The following ANAPC10 variants were observed in gnomAD, a reference collection of about 807,000 sequenced individuals.
ANAPC10 encodes the protein anaphase promoting complex subunit 10.
Under a neutral mutation model 22.0 loss-of-function variants are expected in ANAPC10, and 12 were observed. The ratio of observed to expected loss-of-function variants is 0.55; its 90% CI spans 0.35 to 0.88. The LOEUF (loss-of-function observed/expected upper bound fraction) is 0.88. Ranked by LOEUF, ANAPC10 falls within the 40% of genes least tolerant of loss-of-function variation. The pLI, the probability that ANAPC10 is intolerant of heterozygous loss-of-function variation, is 0.01. For missense variants in ANAPC10, 188 were observed against 220.9 expected (o/e 0.85, Z 0.94); for synonymous variants, 65 against 69.5 (o/e 0.94, Z 0.32).
intron 4 of ANAPC10, 75 bp from the exon 5 acceptor site, chr4:144,995,678 T>C: frequency 1.1e-6 from 1 of 943,368 alleles, no homozygotes; most frequent in Non-Finnish European, 1.6e-6. Context: ...CATTCTATAA[T>C]AAAATAACTT....
chr4:145,011,484 G>A lies in ANAPC10; in HGVS notation c.328-15881C>T, dbSNP rs191276483. On this transcript the variant is annotated intron_variant, in intron 4 of 4. Coordinates refer to ENST00000507656, the MANE Select transcript of ANAPC10 (RefSeq NM_001256706.2). ...AAATTATCATTTTATAGGTATCAGA[G>A]ACAAGCAAAAAGCAATGAAGACTAA... Among the ~76,000 whole-genome samples the A allele has an allele frequency of 1.5e-3, 226 of 152,138 alleles. 1 individual carries two copies. The highest frequency in any genetic ancestry group is 5.1e-3 in the African/African-American group (212 of 41,494).
intron 3 of ANAPC10, among the ~76,000 whole-genome samples, chr4:145,066,574 A>G (rs1743720342): frequency 6.6e-6 from 1 of 152,130 alleles, no homozygotes; most frequent in South Asian, 2.1e-4. Context: ...AAATTCAGGT[A>G]CACTTATTCA....
At chr4:145,073,101 T>C (rs1744714597) in intron 3 of ANAPC10, among the ~76,000 whole-genome samples, 1 of 152,144 alleles carries the variant, frequency 6.6e-6, no homozygotes, top group Non-Finnish European at 1.5e-5. Context: ...GCTTTATCTC[T>C]CAGGCCAGTT....
chr4:145,036,840 T>C (rs1738617960), intron 4 of ANAPC10, among the ~76,000 whole-genome samples: 1 of 152,104 alleles, frequency 6.6e-6, no homozygotes, highest in South Asian at 2.1e-4. Flanking sequence ...ACTCAATTAA[T>C]GCTGAGGTAC....
chr4:145,076,906 TAAA>T (rs1260438452), intron 3 of ANAPC10, among the ~76,000 whole-genome samples: 1 of 151,920 alleles, frequency 6.6e-6, no homozygotes, highest in East Asian at 1.9e-4. Context: ...TAGACAAAAA[TAAA>T]AAAGAATTTG....
chr4:145,013,674 A>T (rs113412469), intron 4 of ANAPC10, among the ~76,000 whole-genome samples: 2 of 152,028 alleles, frequency 1.3e-5, no homozygotes, highest in Non-Finnish European at 2.9e-5. Flanking sequence ...TGCAGGAATA[A>T]ATCAGGAATC....
chr4:145,068,016 T>C (rs1472383271), intron 3 of ANAPC10, among the ~76,000 whole-genome samples: 1 of 152,182 alleles, frequency 6.6e-6, no homozygotes, highest in East Asian at 1.9e-4. Flanking sequence ...AGTAGGCATC[T>C]TGGACCATAA....
At chr4:145,063,543 G>T (rs1233487762) in intron 4 of ANAPC10, among the ~76,000 whole-genome samples, 2 of 151,990 alleles carry the variant, frequency 1.3e-5, no homozygotes, top group Non-Finnish European at 2.9e-5. Flanking sequence ...ATTAACTGGA[G>T]GCCTTTCAAA....
intron 3 of ANAPC10, among the ~76,000 whole-genome samples, chr4:145,071,700 A>G (rs1263138184): frequency 6.6e-6 from 1 of 152,186 alleles, no homozygotes; most frequent in African/African-American, 2.4e-5. Flanking sequence ...AGAAAGGATG[A>G]ATAATCCTCA....
intron 4 of ANAPC10, among the ~76,000 whole-genome samples, chr4:145,017,853 C>A (rs954917626): frequency 6.6e-6 from 1 of 151,340 alleles, no homozygotes; most frequent in Admixed American, 6.6e-5. Flanking sequence ...TCATTCTCAG[C>A]AAACTATCTC....
chr4:145,067,283 T>C (rs1427253362), intron 3 of ANAPC10, among the ~76,000 whole-genome samples: 2 of 152,136 alleles, frequency 1.3e-5, no homozygotes, highest in Admixed American at 6.5e-5. Flanking sequence ...AAAACCATCA[T>C]TATAATAATA....
At chr4:145,052,897 A>AAG (rs1275915882) in intron 4 of ANAPC10, among the ~76,000 whole-genome samples, 2 of 152,068 alleles carry the variant, frequency 1.3e-5, no homozygotes, top group East Asian at 3.9e-4. Context: ...CAAAAAAAAA[A>AAG]AAAAAAGGGA....
At chr4:145,062,043 A>G (rs930789494) in intron 4 of ANAPC10, among the ~76,000 whole-genome samples, 1 of 151,838 alleles carries the variant, frequency 6.6e-6, no homozygotes, top group Non-Finnish European at 1.5e-5. Flanking sequence ...AGCCTGGGTG[A>G]CAGAGCAAGA....
chr4:144,999,615 T>G (rs1732188988), intron 4 of ANAPC10, among the ~76,000 whole-genome samples: 1 of 152,140 alleles, frequency 6.6e-6, no homozygotes, highest in African/African-American at 2.4e-5. Flanking sequence ...ATCGTGAAAA[T>G]GGCCACAGTG....
chr4:145,033,651 C>T (rs1297634148), intron 4 of ANAPC10, among the ~76,000 whole-genome samples: 1 of 152,176 alleles, frequency 6.6e-6, no homozygotes, highest in Non-Finnish European at 1.5e-5. Flanking sequence ...CCAGGCAGGA[C>T]TACAAATGAC....
intron 4 of ANAPC10, among the ~76,000 whole-genome samples, chr4:145,016,524 T>C (rs1416679265): frequency 6.6e-6 from 1 of 152,152 alleles, no homozygotes; most frequent in Non-Finnish European, 1.5e-5. Context: ...AGAATCAATA[T>C]TGTGAAAATG....
rs1739908062 is a variant in ANAPC10, at chr4:145,043,991, AAAAC to A, written c.327+20577_327+20580del. Reference sequence around the variant, plus strand: ...TTTTGATCATTACCAAAAAAAGAGAAAAACAAATTGTCAAAATTTGTTAGAAAGT... The same window carrying A: ...TTTTGATCATTACCAAAAAAAGAGAAAAATTGTCAAAATTTGTTAGAAAGT... On this transcript the variant is annotated intron_variant, in intron 4 of 4. Coordinates refer to ENST00000507656, the MANE Select transcript of ANAPC10 (RefSeq NM_001256706.2). Among the ~76,000 whole-genome samples the A allele has an allele frequency of 2.6e-5, 4 of 152,264 alleles. No homozygotes were observed. The South Asian group carries it at 8.3e-4, about 32-fold the overall frequency.
At chr4:145,053,687 G>A (rs1741466308) in intron 4 of ANAPC10, 1 of 585,968 alleles carries the variant, frequency 1.7e-6, no homozygotes, top group Non-Finnish European at 3.0e-6. Flanking sequence ...AGTATGCATT[G>A]TCTTTTATTT....
intron 4 of ANAPC10, among the ~76,000 whole-genome samples, chr4:145,017,636 A>T (rs1338806504): frequency 6.6e-6 from 1 of 152,138 alleles, no homozygotes; most frequent in Non-Finnish European, 1.5e-5. Context: ...ACCCAAAGGA[A>T]TATAAATCAT....
Sources: gnomAD v4.1 joint callset for allele counts (sites outside exome capture counted in the v4.1 genomes callset) on GRCh38, gnomAD v4.1.1 for gene constraint, MANE v1.5 for transcripts, NCBI Gene and HGNC (gene_info 2026-07-23, HGNC 2026-07-21) for gene names.